DIP2C: variants seen among roughly 807,000 people sequenced by gnomAD.
The protein encoded by DIP2C is disco-interacting protein 2 homolog C.
Under a neutral mutation model 192.4 loss-of-function variants are expected in DIP2C, and 33 were observed. The ratio of observed to expected loss-of-function variants is 0.17; its 90% CI spans 0.13 to 0.23. The LOEUF (loss-of-function observed/expected upper bound fraction) is 0.23. Ranked by LOEUF, DIP2C falls within the 10% of genes least tolerant of loss-of-function variation. The pLI is 1.00. For missense variants in DIP2C, 1,537 were observed against 2,110.1 expected (o/e 0.73, Z 5.32); for synonymous variants, 979 against 864.1 (o/e 1.13, Z -2.33).
At chr10:577,838 A>C (rs1850268925) in intron 1 of DIP2C, among the ~76,000 whole-genome samples, 1 of 147,374 alleles carries the variant, frequency 6.8e-6, no homozygotes. Flanking sequence ...TTTTTTTTTA[A>C]CCACAAAAGA....
chr10:381,448 C>T (rs945409400), intron 17 of DIP2C, among the ~76,000 whole-genome samples: 5 of 152,102 alleles, frequency 3.3e-5, no homozygotes, highest in Admixed American at 6.6e-5. Flanking sequence ...CCAATCACGC[C>T]AATCAGAAAA....
At chr10:338,855 T>C (rs1264693616) in intron 29 of DIP2C, among the ~76,000 whole-genome samples, 3 of 133,462 alleles carry the variant, frequency 2.2e-5, no homozygotes, top group Non-Finnish European at 4.8e-5. Context: ...GCACCCTGCC[T>C]GGCTCCCACA....
chr10:552,175 C>G (rs1848627519), intron 1 of DIP2C, among the ~76,000 whole-genome samples: 3 of 152,224 alleles, frequency 2.0e-5, no homozygotes, highest in Admixed American at 2.0e-4. Flanking sequence ...AGAATGGCAA[C>G]TAATCTGAGA....
intron 9 of DIP2C, among the ~76,000 whole-genome samples, chr10:399,514 T>G (rs1433464416): frequency 6.6e-6 from 1 of 152,206 alleles, no homozygotes; most frequent in African/African-American, 2.4e-5. Flanking sequence ...TATATCCTAC[T>G]GTTTCTCACT....
At chr10:359,763 A>G (rs1959224045) in intron 22 of DIP2C, among the ~76,000 whole-genome samples, 1 of 152,190 alleles carries the variant, frequency 6.6e-6, no homozygotes, top group South Asian at 2.1e-4. Context: ...TCTACCAGAT[A>G]GAAGCGTCTT....
intron 8 of DIP2C, among the ~76,000 whole-genome samples, chr10:410,669 A>G (rs2133079565): frequency 6.6e-6 from 1 of 152,366 alleles, no homozygotes; most frequent in East Asian, 1.9e-4. Context: ...GTAACTGAAT[A>G]AATCAATTAC....
chr10:386,707 C>T (rs976751621), intron 14 of DIP2C, among the ~76,000 whole-genome samples: 15 of 152,276 alleles, frequency 9.9e-5, no homozygotes, highest in Admixed American at 6.5e-5. Flanking sequence ...CAAGAAACGG[C>T]GAATACAGGA....
rs187796945 is a variant in DIP2C at position 448,712 on chromosome 10, G to A, written c.269-7716C>T. ...CACACACAGTGGGGCAGCAGGACCCGCTCACTCCCATCAATACTCATGATC... is the reference window on the plus strand; with the variant it reads ...CACACACAGTGGGGCAGCAGGACCCACTCACTCCCATCAATACTCATGATC... On this transcript the variant is annotated intron_variant, in intron 3 of 36. Transcript: ENST00000280886. Among the ~76,000 whole-genome samples the A allele has an allele frequency of 5.8e-3, 661 of 113,726 alleles. 3 individuals are homozygous for A. Among genetic ancestry groups the A allele is most frequent in the Admixed American group, 8.1e-3 (85 of 10,442 alleles). 74.6% of individuals were successfully genotyped at this position (113,726 alleles called of 152,430 possible).
intron 1 of DIP2C, among the ~76,000 whole-genome samples, chr10:511,532 CTT>C (rs949110316): frequency 6.6e-6 from 1 of 152,206 alleles, no homozygotes; most frequent in African/African-American, 2.4e-5. Flanking sequence ...GCATTTACTT[CTT>C]AAAAAATAAC....
chr10:633,848 G>A (rs778152936), intron 1 of DIP2C, among the ~76,000 whole-genome samples: 6 of 152,228 alleles, frequency 3.9e-5, no homozygotes, highest in Admixed American at 2.0e-4. Context: ...GCGGGGCCCC[G>A]GCACACAGTG....
intron 17 of DIP2C, among the ~76,000 whole-genome samples, chr10:380,638 T>C (rs1383189901): frequency 6.6e-6 from 1 of 152,248 alleles, no homozygotes; most frequent in African/African-American, 2.4e-5. Flanking sequence ...TTGTCTTTCT[T>C]CTTTAAAAAA....
chr10:290,181 T>C (rs1386806462), intron 32 of DIP2C, among the ~76,000 whole-genome samples: 1 of 152,190 alleles, frequency 6.6e-6, no homozygotes, highest in Non-Finnish European at 1.5e-5. Flanking sequence ...ATGACAACCA[T>C]TAACTCTGTG....
chr10:580,219 A>G (rs963367126), intron 1 of DIP2C, among the ~76,000 whole-genome samples: 5 of 150,484 alleles, frequency 3.3e-5, no homozygotes, highest in African/African-American at 4.9e-5. Flanking sequence ...TATAATGTAT[A>G]TATGTCAGTA....
chr10:426,755 T>C (rs762198094), intron 4 of DIP2C, among the ~76,000 whole-genome samples: 1 of 152,180 alleles, frequency 6.6e-6, no homozygotes, highest in Non-Finnish European at 1.5e-5. Context: ...AAGAGAAAGG[T>C]AGTATTTTTT....
chr10:338,440 C>T (rs1383186960), intron 29 of DIP2C, among the ~76,000 whole-genome samples: 4 of 147,452 alleles, frequency 2.7e-5, no homozygotes, highest in East Asian at 2.0e-4. Context: ...TTTTTTTTTT[C>T]CCACCTTCTA....
In DIP2C at chr10:662,668, C is replaced by G. The variant is rs12269155; in HGVS notation, c.85+26826G>C. 1,922 of 552,606 alleles carry G rather than the reference C, an allele frequency of 3.5e-3. 32 individuals carry two copies. Among genetic ancestry groups the G allele is most frequent in the African/African-American group, 0.032 (1,701 of 52,776 alleles). 34.2% of individuals were successfully genotyped at this position (552,606 alleles called of 1,614,324 possible). On this transcript the variant is annotated intron_variant, in intron 1 of 36. Coordinates refer to ENST00000280886, the MANE Select transcript of DIP2C (RefSeq NM_014974.3). The stretch of plus-strand genomic sequence containing the variant: ...GGGGGAATTTTTTTTTCTTTTTCAT[C>G]TTTTTAAAATTGTTATCAAATTAGG...
intron 24 of DIP2C, among the ~76,000 whole-genome samples, chr10:351,792 T>C (rs1958825555): frequency 6.6e-6 from 1 of 152,178 alleles, no homozygotes; most frequent in Non-Finnish European, 1.5e-5. Context: ...CCTTGCCACC[T>C]GTTCACAGCA....
At chr10:664,907 T>C (rs539784476) in intron 1 of DIP2C, 4 of 152,144 alleles carry the variant, frequency 2.6e-5, no homozygotes, top group Admixed American at 6.5e-5. Flanking sequence ...AAGGAATATA[T>C]AGTAATAAAG....
At chr10:460,438 G>A (rs1969680945) in intron 3 of DIP2C, among the ~76,000 whole-genome samples, 1 of 152,200 alleles carries the variant, frequency 6.6e-6, no homozygotes, top group Admixed American at 6.5e-5. Flanking sequence ...ATGATGAAGA[G>A]CTTTCATAAG....
Sources: allele counts gnomAD v4.1 joint callset (sites outside exome capture counted in the v4.1 genomes callset), GRCh38; gene constraint gnomAD v4.1.1; transcripts MANE v1.5; gene names NCBI Gene and HGNC (gene_info 2026-07-23, HGNC 2026-07-21).